Variants in RNF216 observed in about 807,000 individuals in gnomAD.
RNF216 encodes the protein ring finger protein 216.
A neutral mutation model predicts 110.8 loss-of-function variants in RNF216; 72 were observed. The observed-to-expected ratio is 0.65, with a 90% CI of 0.54 to 0.79. The LOEUF (loss-of-function observed/expected upper bound fraction) is 0.79, where lower values mean the gene tolerates loss of function less well. Among genes scored for constraint, RNF216 ranks in the 30% least tolerant of loss-of-function variants. RNF216 has a pLI of 0.00. For missense variants in RNF216, 1,342 were observed against 1,141.2 expected (o/e 1.18, Z -2.54); for synonymous variants, 495 against 407.5 (o/e 1.21, Z -2.59).
intron 1 of RNF216, among the ~76,000 whole-genome samples, chr7:5,778,843 A>C (rs1796919965): frequency 6.6e-6 from 1 of 152,222 alleles, no homozygotes; most frequent in South Asian, 2.1e-4. Context: ...TCCCGAGTTC[A>C]TGTGATTCTC....
chr7:5,637,198 C>T (rs996024214), intron 15 of RNF216, among the ~76,000 whole-genome samples: 1 of 152,210 alleles, frequency 6.6e-6, no homozygotes, highest in Admixed American at 6.5e-5. Flanking sequence ...AGGGCTGTGC[C>T]TGGGAATGTC....
chr7:5,739,053 C>T (rs1189163649), intron 5 of RNF216, among the ~76,000 whole-genome samples: 1 of 152,096 alleles, frequency 6.6e-6, no homozygotes, highest in Non-Finnish European at 1.5e-5. Flanking sequence ...GTGCCACTGG[C>T]TTGGGAAGGG....
intron 13 of RNF216, among the ~76,000 whole-genome samples, chr7:5,694,737 G>A (rs58469547): frequency 0.069 from 10,492 of 152,212 alleles, 1,198 homozygotes; most frequent in African/African-American, 0.24. Flanking sequence ...CTGTAGCTGC[G>A]TAGCTTGTGT....
intron 3 of RNF216, among the ~76,000 whole-genome samples, chr7:5,744,483 C>T (rs976367740): frequency 2.0e-5 from 3 of 151,988 alleles, no homozygotes; most frequent in African/African-American, 7.2e-5. Context: ...AGGAGGGGGA[C>T]ACATAATGGT....
At chr7:5,676,160 C>T (rs1372311442) in intron 13 of RNF216, among the ~76,000 whole-genome samples, 1 of 151,906 alleles carries the variant, frequency 6.6e-6, no homozygotes, top group South Asian at 2.1e-4. Flanking sequence ...CAGGCATATG[C>T]CACCAGGCCC....
At chr7:5,724,212 G>C (rs1454514319) in intron 8 of RNF216, among the ~76,000 whole-genome samples, 1 of 152,144 alleles carries the variant, frequency 6.6e-6, no homozygotes, top group Non-Finnish European at 1.5e-5. Flanking sequence ...AGCTAGAGAA[G>C]GGCACACAGG....
chr7:5,751,827 T>TAAAAAAAAAA (rs3075700), intron 3 of RNF216, among the ~76,000 whole-genome samples: 1 of 37,278 alleles, frequency 2.7e-5, no homozygotes, highest in Non-Finnish European at 4.3e-5. Context: ...ATCTTTAAAC[T>TAAAAAAAAAA]AAAAAAAAAA....
chr7:5,623,392 T>C (rs186901630), intron 16 of RNF216, among the ~76,000 whole-genome samples: 7 of 151,866 alleles, frequency 4.6e-5, no homozygotes, highest in Admixed American at 4.6e-4. Flanking sequence ...CCTTGGAAGG[T>C]GGCACGTCCA....
intron 13 of RNF216, among the ~76,000 whole-genome samples, chr7:5,678,463 A>T (rs958283674): frequency 1.3e-5 from 2 of 152,200 alleles, no homozygotes; most frequent in Non-Finnish European, 2.9e-5. Flanking sequence ...TCAGAGATTC[A>T]TGCCACCTGG....
intron 1 of RNF216, among the ~76,000 whole-genome samples, chr7:5,768,344 A>AATAC (rs1554266192): frequency 2.2e-3 from 31 of 14,182 alleles, no homozygotes; most frequent in Middle Eastern, 0.045. Flanking sequence ...GAGGCAGGCA[A>AATAC]ATACACACAC....
intron 14 of RNF216, among the ~76,000 whole-genome samples, chr7:5,650,775 C>A (rs148833951): frequency 1.3e-5 from 2 of 152,266 alleles, no homozygotes; most frequent in East Asian, 3.9e-4. Context: ...CTCGGATAAT[C>A]CAGATAACCT....
chr7:5,760,435 G>C (rs1795870911), intron 2 of RNF216: 1 of 384,520 alleles, frequency 2.6e-6, no homozygotes, highest in African/African-American at 2.1e-5. Context: ...AGAATCATTT[G>C]AACCCAGGAG....
intron 13 of RNF216, among the ~76,000 whole-genome samples, chr7:5,688,914 C>T (rs1250133430): frequency 6.6e-6 from 1 of 152,152 alleles, no homozygotes; most frequent in Non-Finnish European, 1.5e-5. Context: ...AAGTTTAAGT[C>T]TGAACTCAAA....
intron 1 of RNF216, among the ~76,000 whole-genome samples, chr7:5,770,388 G>A (rs981432818): frequency 6.6e-6 from 1 of 151,824 alleles, no homozygotes; most frequent in African/African-American, 2.4e-5. Context: ...TTGAACCTGG[G>A]AGGCGGAGGT....
intron 10 of RNF216, among the ~76,000 whole-genome samples, chr7:5,716,254 G>A (rs1048597059): frequency 5.8e-4 from 88 of 151,936 alleles, no homozygotes; most frequent in African/African-American, 2.1e-3. Flanking sequence ...GCTCACACCT[G>A]TTCCCAGCAC....
chr7:5,626,412 TAAA>T (rs746722830), intron 15 of RNF216, among the ~76,000 whole-genome samples: 1 of 105,884 alleles, frequency 9.4e-6, no homozygotes, highest in African/African-American at 3.4e-5. Context: ...GAAAAAAGAC[TAAA>T]AAAAAAAAAA....
intron 3 of RNF216, among the ~76,000 whole-genome samples, chr7:5,748,605 TATAC>T (rs761700234): frequency 9.2e-4 from 107 of 116,032 alleles, no homozygotes; most frequent in African/African-American, 1.3e-3. Flanking sequence ...ATATTTTTTA[TATAC>T]ATACACACAC....
chr7:5,662,737 C>T (rs1380552313), intron 13 of RNF216, among the ~76,000 whole-genome samples: 5 of 152,126 alleles, frequency 3.3e-5, no homozygotes. Context: ...TAACTGTATA[C>T]TCTGAGGAAG....
rs139624565 is a variant in RNF216 at position 5,754,660 on chromosome 7, G to A, written c.68-1681C>T. ...CATAGTGAATAAGACCCCTGCACCC[G>A]CAGGAAATTGTAGATTCCTCTCTTG... On this transcript the variant is annotated intron_variant, in intron 2 of 16. Transcript: ENST00000389902. 3.9e-4 allele frequency among the ~76,000 whole-genome samples: 59 copies of A among 152,210 alleles called. 1 individual carries two copies. The East Asian group carries it at 0.01, about 26-fold the overall frequency.
Sources: allele counts gnomAD v4.1 joint callset (sites outside exome capture counted in the v4.1 genomes callset), GRCh38; gene constraint gnomAD v4.1.1; transcripts MANE v1.5; gene names NCBI Gene and HGNC (gene_info 2026-07-23, HGNC 2026-07-21).